The following BTBD10 variants were observed in gnomAD, a reference collection of about 807,000 sequenced individuals.
BTBD10 encodes the protein BTB domain containing 10.
Under a neutral mutation model 53.2 loss-of-function variants are expected in BTBD10, and 21 were observed. The ratio of observed to expected loss-of-function variants is 0.39; its 90% CI spans 0.28 to 0.57. BTBD10 has a LOEUF of 0.57. BTBD10 is among the 20% of genes least tolerant of loss of function. BTBD10 has a pLI of 0.53. For synonymous variants in BTBD10, 149 were observed against 192.7 expected, an observed-to-expected ratio of 0.77 and a Z score of 1.88; for missense variants, 360 against 594.7, an observed-to-expected ratio of 0.61 and a Z score of 4.10.
chr11:13,399,489 T>G (rs183223964), intron 8 of BTBD10, among the ~76,000 whole-genome samples: 4 of 152,218 alleles, frequency 2.6e-5, no homozygotes, highest in Admixed American at 2.0e-4. Context: ...GCCATTGGAT[T>G]GAACTTCCTC....
At chr11:13,458,345 T>C (rs1022692291) in intron 1 of BTBD10, among the ~76,000 whole-genome samples, 4 of 152,102 alleles carry the variant, frequency 2.6e-5, no homozygotes, top group South Asian at 2.1e-4. Flanking sequence ...ATTATGTATA[T>C]AGTACACACA....
chr11:13,417,036 T>G, intron 5 of BTBD10, 122 bp downstream of exon 5: 1 of 652,684 alleles, frequency 1.5e-6, no homozygotes, highest in Non-Finnish European at 2.5e-6. Context: ...TAAATGGTAT[T>G]TAAGGAAAAA....
At position 13,413,791 on chromosome 11, in the gene BTBD10, T is replaced by C. The variant is rs113411393; in HGVS notation, c.688-141A>G. ...TGAAATGTGGAAGTTTAAACTTAGA[T>C]GAGACCTCCGTTCACCTAACTACTT... On this transcript the variant is annotated intron_variant, in intron 5 of 8. Transcript: ENST00000278174. 96 of 750,726 alleles carry C rather than the reference T, an allele frequency of 1.3e-4. No individual in the cohort carries two copies. In the African/African-American group the frequency reaches 1.6e-3, roughly 13 times the overall value. 46.5% of individuals were successfully genotyped at this position (750,726 alleles called of 1,614,324 possible).
intron 1 of BTBD10, among the ~76,000 whole-genome samples, chr11:13,457,510 T>C (rs186906564): frequency 1.2e-4 from 19 of 152,368 alleles, no homozygotes; most frequent in Middle Eastern, 3.4e-3. Context: ...GCAGTATTCA[T>C]TGTACTACCT....
At chr11:13,420,194 T>C (rs2403664) in intron 3 of BTBD10, among the ~76,000 whole-genome samples, 70,058 of 151,922 alleles carry the variant, frequency 0.46, 17,296 homozygotes, top group South Asian at 0.62. Flanking sequence ...GAACACAAAG[T>C]ACAATCTTTA....
chr11:13,405,127 A>C (rs1949791662), intron 7 of BTBD10, among the ~76,000 whole-genome samples: 1 of 152,172 alleles, frequency 6.6e-6, no homozygotes, highest in African/African-American at 2.4e-5. Context: ...TTTGGTTAGA[A>C]ATGCCCAAAA....
chr11:13,392,207 G>T (rs1217416625), intron 8 of BTBD10, among the ~76,000 whole-genome samples: 1 of 152,170 alleles, frequency 6.6e-6, no homozygotes, highest in Admixed American at 6.5e-5. Flanking sequence ...GAAGCGTAAA[G>T]AATTCAGAAG....
chr11:13,454,794 A>G (rs908133202), intron 1 of BTBD10, among the ~76,000 whole-genome samples: 1 of 152,144 alleles, frequency 6.6e-6, no homozygotes, highest in African/African-American at 2.4e-5. Flanking sequence ...TTGAGTACTT[A>G]AGCACCTTTC....
At chr11:13,407,913 C>T (rs578257895) in intron 6 of BTBD10, among the ~76,000 whole-genome samples, 8 of 152,268 alleles carry the variant, frequency 5.3e-5, no homozygotes, top group African/African-American at 1.2e-4. Context: ...TCAAGTCATA[C>T]GGAGAGAGCA....
intron 7 of BTBD10, 105 bp from the exon 8 acceptor site, chr11:13,403,383 A>G: frequency 1.8e-6 from 1 of 559,636 alleles, no homozygotes; most frequent in South Asian, 3.1e-5. Context: ...TAAAAGCCCA[A>G]ATAATGGATG....
intron 1 of BTBD10, among the ~76,000 whole-genome samples, chr11:13,449,679 G>A (rs1028158601): frequency 6.6e-6 from 1 of 152,172 alleles, no homozygotes; most frequent in African/African-American, 2.4e-5. Flanking sequence ...TGGTTCTGGA[G>A]GCTGGAAAGT....
At position 13,413,954 on chromosome 11, in the gene BTBD10, C is replaced by A. The variant is rs564056753; in HGVS notation, c.688-304G>T. Among the ~76,000 whole-genome samples, 8 of 152,324 alleles carry A rather than the reference C, an allele frequency of 5.3e-5. No individual in the cohort carries two copies. The East Asian group carries it at 1.5e-3, about 29-fold the overall frequency. On this transcript the variant is annotated intron_variant, in intron 5 of 8. Transcript: ENST00000278174. ...AATTCATGTCTTCTTTATGACATCA[C>A]ACCAATGCATATGTATTTTCCTTCT...
chr11:13,404,470 T>C (rs868100290), intron 7 of BTBD10: 11 of 250,310 alleles, frequency 4.4e-5, no homozygotes, highest in Middle Eastern at 2.0e-3. Context: ...TGGTTGACTG[T>C]ACCTTCTTGG....
Position 13,388,811 on chromosome 11 carries a change from G to A in BTBD10, c.*20C>T. ...GTCACTGTGAAGAGTAGCATGCTATGGTTTCAAGGAAGATCAGCATCACAG... is the reference window on the plus strand; with the variant it reads ...GTCACTGTGAAGAGTAGCATGCTATAGTTTCAAGGAAGATCAGCATCACAG... On this transcript the variant is annotated 3_prime_UTR_variant, in exon 9 of 9. Transcript: ENST00000278174. 1 of 1,597,412 alleles carries A rather than the reference G, an allele frequency of 6.3e-7. No homozygotes were observed. Among genetic ancestry groups the A allele is most frequent in the Non-Finnish European group, 8.5e-7 (1 of 1,170,248 alleles).
At chr11:13,456,280 TAAAAC>T (rs770568011) in intron 1 of BTBD10, among the ~76,000 whole-genome samples, 6 of 152,076 alleles carry the variant, frequency 3.9e-5, no homozygotes, top group Non-Finnish European at 5.9e-5. Flanking sequence ...AACAGAGCCC[TAAAAC>T]ATAAAGAACT....
intron 5 of BTBD10, among the ~76,000 whole-genome samples, chr11:13,416,547 G>C (rs1189257844): frequency 1.3e-5 from 2 of 152,034 alleles, no homozygotes; most frequent in African/African-American, 4.8e-5. Context: ...TTAGGAGAAA[G>C]AGAAGTAAAT....
chr11:13,405,076 A>G (rs908180435), intron 7 of BTBD10, among the ~76,000 whole-genome samples: 2 of 152,146 alleles, frequency 1.3e-5, no homozygotes, highest in African/African-American at 2.4e-5. Flanking sequence ...TAACAAAAAA[A>G]TAAGAAAAAA....
intron 2 of BTBD10, among the ~76,000 whole-genome samples, chr11:13,434,029 C>T (rs1042534059): frequency 1.3e-5 from 2 of 152,074 alleles, no homozygotes; most frequent in African/African-American, 4.8e-5. Flanking sequence ...TCAAAGATCA[C>T]CTGTAAGTCT....
intron 5 of BTBD10, 74 bp downstream of exon 5, chr11:13,417,084 G>C: frequency 9.7e-7 from 1 of 1,025,748 alleles, no homozygotes; most frequent in South Asian, 1.7e-5. Context: ...TATTCAAATA[G>C]AATTCTGCGT....
Sources: allele counts gnomAD v4.1 joint callset (sites outside exome capture counted in the v4.1 genomes callset), GRCh38; gene constraint gnomAD v4.1.1; transcripts MANE v1.5; gene names NCBI Gene and HGNC (gene_info 2026-07-23, HGNC 2026-07-21).